TG: variants seen among roughly 807,000 people sequenced by gnomAD.
TG encodes thyroid hormones.
In TG, 270 loss-of-function variants were observed where a neutral mutation model predicts 324.7. That is an observed-to-expected ratio of 0.83 (90% confidence interval 0.75 to 0.92). TG has a LOEUF of 0.92. Ranked by LOEUF, TG falls within the 40% of genes least tolerant of loss-of-function variation. The pLI is 0.00. For missense variants in TG, 3,591 were observed against 3,456.4 expected (o/e 1.04, Z -0.98); for synonymous variants, 1,401 against 1,327.0 (o/e 1.06, Z -1.21).
At chr8:133,050,978 G>C in intron 41 of TG, 2 of 930,726 alleles carry the variant, frequency 2.1e-6, no homozygotes, top group Non-Finnish European at 3.5e-6. Flanking sequence ...GAGCTTAAAG[G>C]TAGGCTTGGG....
chr8:132,951,198 T>C (rs1177512063), intron 27 of TG, among the ~76,000 whole-genome samples: 1 of 152,238 alleles, frequency 6.6e-6, no homozygotes, highest in Non-Finnish European at 1.5e-5. Flanking sequence ...AACTGAATTG[T>C]GTTTCATTAA....
chr8:132,930,302 T>G (rs535193764), intron 23 of TG, among the ~76,000 whole-genome samples: 1 of 152,312 alleles, frequency 6.6e-6, no homozygotes, highest in Admixed American at 6.5e-5. Context: ...GATGGCAGAC[T>G]TGAGGGACAG....
intron 41 of TG, among the ~76,000 whole-genome samples, chr8:133,079,295 A>G (rs1477196315): frequency 6.6e-6 from 1 of 152,242 alleles, no homozygotes; most frequent in East Asian, 1.9e-4. Flanking sequence ...AGAATTAACT[A>G]CTGGGGCCCA....
At chr8:133,116,900 G>A (rs971828914) in intron 45 of TG, among the ~76,000 whole-genome samples, 184 bp downstream of exon 45, 2 of 151,952 alleles carry the variant, frequency 1.3e-5, no homozygotes, top group Admixed American at 1.3e-4. Context: ...AAAAAAAATG[G>A]TGTGAAAGGC....
intron 19 of TG, among the ~76,000 whole-genome samples, chr8:132,911,928 G>A (rs754282734): frequency 2.0e-5 from 3 of 152,192 alleles, no homozygotes; most frequent in Non-Finnish European, 2.9e-5. Context: ...GGGCAGTCAC[G>A]ATATGGATGA....
chr8:132,934,633 C>T (rs1823293576), intron 24 of TG, among the ~76,000 whole-genome samples: 1 of 152,220 alleles, frequency 6.6e-6, no homozygotes, highest in Non-Finnish European at 1.5e-5. Flanking sequence ...CTCCCCAGGC[C>T]ATTGCCTCTT....
chr8:132,967,159 A>G (rs952742725), intron 30 of TG, among the ~76,000 whole-genome samples: 1 of 147,028 alleles, frequency 6.8e-6, no homozygotes, highest in African/African-American at 2.6e-5. Context: ...CCATCCACCC[A>G]TCCAACCATC....
At position 132,930,683 on chromosome 8, in the gene TG, C is replaced by CA. The variant is rs34491481; in HGVS notation, c.4816+1506dup. On this transcript the variant is annotated intron_variant, in intron 23 of 47. Coordinates refer to ENST00000220616, the MANE Select transcript of TG (RefSeq NM_003235.5). The stretch of plus-strand genomic sequence containing the variant: ...CTGGGCATCAAGAGTGAAACTCCGT[C>CA]AAAAAAAAAAAAAAAGGAAGGGCAA... Among the ~76,000 whole-genome samples, 954 of 128,894 alleles carry CA rather than the reference C, an allele frequency of 7.4e-3. 12 individuals are homozygous for CA. Among genetic ancestry groups the CA allele is most frequent in the African/African-American group, 0.027 (846 of 31,372 alleles). The allele number at this position is 128,894 out of a possible 152,430, so 84.6% of individuals were successfully genotyped here. A position where few individuals can be genotyped will look rare whatever the true frequency, so the allele number is the denominator to read the frequency against.
chr8:132,934,750 G>A (rs1823312797), intron 24 of TG, among the ~76,000 whole-genome samples: 1 of 152,176 alleles, frequency 6.6e-6, no homozygotes, highest in African/African-American at 2.4e-5. Context: ...AAATTTGGCA[G>A]CCTTGCGGGG....
chr8:132,939,069 G>C (rs1450322924), intron 25 of TG, among the ~76,000 whole-genome samples: 2 of 125,412 alleles, frequency 1.6e-5, no homozygotes, highest in Non-Finnish European at 1.7e-5. Context: ...AAAAAAAAAA[G>C]CAGCCCACCA....
chr8:132,906,668 C>T lies in TG; in HGVS notation c.3635-20C>T, dbSNP rs1274101381. ...GAGGCTGGGCAGGTGCCCACCACGG[C>T]TCCACTTTCCTTCTCCCAGGCCCGC... On this transcript the variant is annotated intron_variant, in intron 16 of 47. Transcript: ENST00000220616. The T allele has an allele frequency of 2.5e-6, 4 of 1,613,270 alleles. No homozygotes were observed. Among genetic ancestry groups the T allele is most frequent in the Non-Finnish European group, 3.4e-6 (4 of 1,179,920 alleles).
At chr8:132,897,229 C>A (rs977424595) in intron 11 of TG, among the ~76,000 whole-genome samples, 1 of 152,164 alleles carries the variant, frequency 6.6e-6, no homozygotes, top group African/African-American at 2.4e-5. Flanking sequence ...TTTTCTCATC[C>A]ATTAAATGGG....
chr8:132,920,248 C>G (rs1044950535), intron 21 of TG, among the ~76,000 whole-genome samples: 1 of 152,118 alleles, frequency 6.6e-6, no homozygotes, highest in African/African-American at 2.4e-5. Flanking sequence ...GGGTTTTTTT[C>G]CTAGCAAGGA....
chr8:133,093,930 G>A (rs375948077), intron 41 of TG, among the ~76,000 whole-genome samples: 14 of 152,158 alleles, frequency 9.2e-5, no homozygotes, highest in Non-Finnish European at 1.8e-4. Flanking sequence ...TGAGTTTGTC[G>A]GAGCCCTCAA....
intron 43 of TG, chr8:133,103,143 C>T (rs1344276138): frequency 6.5e-6 from 1 of 153,944 alleles, no homozygotes; most frequent in South Asian, 2.0e-4. Context: ...ATCGCGGGGA[C>T]CTGGATTCAG....
chr8:133,095,374 G>A lies in TG; in HGVS notation c.7404+166G>A, dbSNP rs10103453. On this transcript the variant is annotated intron_variant, in intron 42 of 47. Transcript: ENST00000220616. ...CCCTAGCCCCTAGAGCTGTGCATGC[G>A]CCACAGCCTGCAACAGTCCAAACAT... 0.73 allele frequency among the ~76,000 whole-genome samples: 110,883 copies of A among 152,168 alleles called. 40,945 individuals carry two copies. Among genetic ancestry groups the A allele is most frequent in the African/African-American group, 0.8 (33,310 of 41,514 alleles).
chr8:133,011,633 G>C (rs989938400), intron 35 of TG, among the ~76,000 whole-genome samples: 1 of 152,130 alleles, frequency 6.6e-6, no homozygotes, highest in Non-Finnish European at 1.5e-5. Flanking sequence ...ACTATGAGCT[G>C]CTTAATAGAA....
At chr8:132,886,087 C>A (rs970604275) in intron 8 of TG, among the ~76,000 whole-genome samples, 1 of 152,186 alleles carries the variant, frequency 6.6e-6, no homozygotes, top group Admixed American at 6.5e-5. Flanking sequence ...TCCCTGTAGA[C>A]ATGAACATCA....
intron 19 of TG, among the ~76,000 whole-genome samples, chr8:132,912,452 T>C (rs1453428514): frequency 6.6e-6 from 1 of 152,112 alleles, no homozygotes; most frequent in Non-Finnish European, 1.5e-5. Context: ...TGTGCACGGA[T>C]CTGCCCCAGC....
Sources: allele counts gnomAD v4.1 joint callset (sites outside exome capture counted in the v4.1 genomes callset), GRCh38; gene constraint gnomAD v4.1.1; transcripts MANE v1.5; gene names NCBI Gene and HGNC (gene_info 2026-07-23, HGNC 2026-07-21).